The following COLEC10 variants were observed in gnomAD, a reference collection of about 807,000 sequenced individuals.
COLEC10 encodes the protein collectin subfamily member 10, also known as collectin-10.
COLEC10 carries 22 observed loss-of-function variants against 28.4 expected under a neutral mutation model. That is an observed-to-expected ratio of 0.78 (90% confidence interval 0.55 to 1.11). The LOEUF (loss-of-function observed/expected upper bound fraction) is 1.11, where lower values mean the gene tolerates loss of function less well. COLEC10 is among the 50% of genes least tolerant of loss of function. The pLI, the probability that COLEC10 is intolerant of heterozygous loss-of-function variation, is 0.00. For missense variants in COLEC10, 361 were observed against 344.1 expected (o/e 1.05, Z -0.39); for synonymous variants, 125 against 116.1 (o/e 1.08, Z -0.49).
intron 5 of COLEC10, among the ~76,000 whole-genome samples, chr8:119,104,474 C>T (rs956371386): frequency 1.3e-5 from 2 of 152,104 alleles, no homozygotes; most frequent in African/African-American, 2.4e-5. Context: ...TTTCCAACTT[C>T]CAATACTGGT....
At chr8:119,010,300 A>G (rs1171406450) in intron 2 of COLEC10, among the ~76,000 whole-genome samples, 1 of 150,802 alleles carries the variant, frequency 6.6e-6, no homozygotes, top group African/African-American at 2.5e-5. Flanking sequence ...TTTTTCAGTA[A>G]TATGCATTTT....
chr8:119,017,099 T>C (rs1587000008), intron 2 of COLEC10, among the ~76,000 whole-genome samples: 1 of 152,140 alleles, frequency 6.6e-6, no homozygotes, highest in Non-Finnish European at 1.5e-5. Context: ...CTAATGACCA[T>C]TGATGATGAG....
chr8:119,052,636 G>T (rs150896368), intron 2 of COLEC10, among the ~76,000 whole-genome samples: 137 of 152,196 alleles, frequency 9.0e-4, no homozygotes, highest in African/African-American at 3.2e-3. Flanking sequence ...AATATCTGTG[G>T]AATAAATTAT....
the COLEC10 span, among the ~76,000 whole-genome samples, chr8:118,972,236 C>G: frequency 0.017 from 2,583 of 151,984 alleles, 61 homozygotes; most frequent in African/African-American, 0.058. Flanking sequence ...TCATTTCCAC[C>G]AGCCCAGGTC....
chr8:119,012,167 T>A (rs575220279), intron 2 of COLEC10, among the ~76,000 whole-genome samples: 1 of 150,988 alleles, frequency 6.6e-6, no homozygotes, highest in South Asian at 2.1e-4. Flanking sequence ...AAAGTGTTTT[T>A]TAATCATTAA....
At chr8:119,061,415 C>G (rs1329673975) in intron 2 of COLEC10, among the ~76,000 whole-genome samples, 1 of 148,022 alleles carries the variant, frequency 6.8e-6, no homozygotes, top group Non-Finnish European at 1.5e-5. Context: ...AAGGCCATAT[C>G]ATTGAAATTT....
At chr8:119,067,175 T>A (rs1814981704), upstream of COLEC10, 12 of 1,147,780 alleles carry the variant, frequency 1.0e-5, no homozygotes, top group Non-Finnish European at 1.4e-5. Flanking sequence ...CTTTTTGGAA[T>A]GTGTGTTCCA....
At position 119,074,721 on chromosome 8, in the gene COLEC10, A is replaced by G. The variant is rs1002539609; in HGVS notation, c.148+7292A>G. Among the ~76,000 whole-genome samples, 6 of 152,136 alleles carry G rather than the reference A, an allele frequency of 3.9e-5. No individual in the cohort carries two copies. The East Asian group carries it at 1.2e-3, about 29-fold the overall frequency. On this transcript the variant is annotated intron_variant, in intron 1 of 5. Transcript: ENST00000332843. Reference sequence around the variant, plus strand: ...CCAAAGTCAACTTTTATTTGTCAAGAGCTCACAAACTTGAGACCACCTCTT... The same window carrying G: ...CCAAAGTCAACTTTTATTTGTCAAGGGCTCACAAACTTGAGACCACCTCTT...
At chr8:119,088,633 T>C (rs1039417212) in intron 1 of COLEC10, among the ~76,000 whole-genome samples, 1 of 152,234 alleles carries the variant, frequency 6.6e-6, no homozygotes, top group Non-Finnish European at 1.5e-5. Flanking sequence ...GGCTCTTTCA[T>C]GCCCTGAGAT....
At chr8:118,994,635 G>A (rs1004093148), upstream of COLEC10, among the ~76,000 whole-genome samples, 5 of 151,998 alleles carry the variant, frequency 3.3e-5, no homozygotes, top group African/African-American at 1.2e-4. Context: ...GGCAGAACTG[G>A]GATTCGAGTC....
chr8:118,992,268 T>C (rs1431484381), upstream of COLEC10, among the ~76,000 whole-genome samples: 4 of 152,124 alleles, frequency 2.6e-5, no homozygotes, highest in Non-Finnish European at 4.4e-5. Flanking sequence ...TTTTAAAAAT[T>C]TTAACCTGTC....
At chr8:119,102,650 T>G (rs1815860949) in intron 4 of COLEC10, 3 of 390,504 alleles carry the variant, frequency 7.7e-6, no homozygotes, top group Admixed American at 8.5e-5. Flanking sequence ...GCCCAGCCCA[T>G]CAGGAAGCAG....
At chr8:119,052,279 T>C (rs1285609956) in intron 2 of COLEC10, among the ~76,000 whole-genome samples, 1 of 152,136 alleles carries the variant, frequency 6.6e-6, no homozygotes, top group Non-Finnish European at 1.5e-5. Context: ...GGTCAGGCAG[T>C]AGCCAAATTA....
the COLEC10 span, among the ~76,000 whole-genome samples, chr8:118,989,528 A>G: frequency 6.6e-5 from 9 of 135,620 alleles, no homozygotes; most frequent in Non-Finnish European, 1.4e-4. Flanking sequence ...AAAAAGACAG[A>G]CAAAATACAC....
the COLEC10 span, among the ~76,000 whole-genome samples, chr8:118,960,457 T>C: frequency 0.67 from 101,706 of 152,050 alleles, 36,045 homozygotes; most frequent in African/African-American, 0.92. Context: ...AGGGAGCCAT[T>C]GTAAATCTCA....
chr8:119,047,022 A>C (rs1814597892), intron 2 of COLEC10, among the ~76,000 whole-genome samples: 1 of 152,204 alleles, frequency 6.6e-6, no homozygotes, highest in Non-Finnish European at 1.5e-5. Context: ...CTTAGGAAAA[A>C]CATACCCTTG....
chr8:119,067,710 C>T (rs529837857), intron 1 of COLEC10: 15 of 311,538 alleles, frequency 4.8e-5, no homozygotes, highest in East Asian at 3.8e-4. Context: ...CATTCTGCTC[C>T]GGGGCAGATG....
chr8:118,979,399 T>C, the COLEC10 span, among the ~76,000 whole-genome samples: 1 of 152,004 alleles, frequency 6.6e-6, no homozygotes, highest in African/African-American at 2.4e-5. Context: ...TTTTAATAAA[T>C]AGAAAGTGAC....
intron 1 of COLEC10, among the ~76,000 whole-genome samples, chr8:119,070,731 T>C (rs1815104290): frequency 6.6e-6 from 1 of 151,680 alleles, no homozygotes; most frequent in Non-Finnish European, 1.5e-5. Flanking sequence ...CTATTATGTA[T>C]TCATAAAAAA....
Sources: gnomAD v4.1 joint callset for allele counts (sites outside exome capture counted in the v4.1 genomes callset) on GRCh38, gnomAD v4.1.1 for gene constraint, MANE v1.5 for transcripts, NCBI Gene and HGNC (gene_info 2026-07-23, HGNC 2026-07-21) for gene names.